Variants in FREM3 observed in about 807,000 individuals in gnomAD.
FREM3 encodes the protein FRAS1-related extracellular matrix protein 3.
A neutral mutation model predicts 129.1 loss-of-function variants in FREM3; 105 were observed. The observed-to-expected ratio is 0.81, with a 90% CI of 0.69 to 0.96. FREM3 has a LOEUF of 0.96. FREM3 is among the 40% of genes least tolerant of loss of function. FREM3 has a pLI of 0.00. For synonymous variants in FREM3, 1,014 were observed against 1,044.9 expected (o/e 0.97, Z 0.57); for missense variants, 2,593 against 2,666.3 (o/e 0.97, Z 0.61).
At chr4:143,695,128 A>T (rs1197255805) in intron 1 of FREM3, among the ~76,000 whole-genome samples, 2 of 152,284 alleles carry the variant, frequency 1.3e-5, no homozygotes, top group African/African-American at 2.4e-5. Flanking sequence ...TAATAACTAT[A>T]CAAATGATTT....
intron 6 of FREM3, among the ~76,000 whole-genome samples, chr4:143,597,603 T>C (rs757179873): frequency 6.6e-6 from 1 of 152,214 alleles, no homozygotes; most frequent in Non-Finnish European, 1.5e-5. Flanking sequence ...CAAAAATCAC[T>C]AGCATTTCTT....
rs1169656390 is a variant in FREM3 at position 143,700,643 on chromosome 4, C to T, written c.33G>A (p.Thr11=). Residue 11 remains threonine, a synonymous_variant, in exon 1 of 8, where the codon ACG becomes ACA. Transcript: ENST00000329798. MAGASRHPTG[T]PRQLLVALAC... is the part of the protein sequence containing the mutation. Reference sequence around the variant, plus strand: ...CGAGCGCCACAAGGAGCTGCCGGGGCGTCCCAGTCGGGTGCCGAGAAGCCC... The same window carrying T: ...CGAGCGCCACAAGGAGCTGCCGGGGTGTCCCAGTCGGGTGCCGAGAAGCCC... 2 of 1,433,298 alleles carry T rather than the reference C, an allele frequency of 1.4e-6. No homozygotes were observed. Among genetic ancestry groups the T allele is most frequent in the Non-Finnish European group, 1.8e-6 (2 of 1,098,550 alleles). The allele number at this position is 1,433,298 out of a possible 1,614,324, so 88.8% of individuals were successfully genotyped here. A position where few individuals can be genotyped will look rare whatever the true frequency, so the allele number is the denominator to read the frequency against.
chr4:143,593,000 C>T (rs7439589), intron 6 of FREM3, among the ~76,000 whole-genome samples: 18,098 of 152,222 alleles, frequency 0.12, 2,227 homozygotes, highest in East Asian at 0.63. Flanking sequence ...CATCTTCCAT[C>T]GCTGTTACCC....
intron 4 of FREM3, among the ~76,000 whole-genome samples, chr4:143,621,687 G>A (rs1048196807): frequency 6.6e-6 from 1 of 152,064 alleles, no homozygotes. Flanking sequence ...AGATCATATT[G>A]CTGCTGAAAT....
At chr4:143,685,971 G>A (rs147971693) in intron 2 of FREM3, among the ~76,000 whole-genome samples, 48 of 152,210 alleles carry the variant, frequency 3.2e-4, no homozygotes, top group African/African-American at 1.1e-3. Flanking sequence ...TAACAAATCT[G>A]CATGTTCTGC....
In FREM3 at chr4:143,698,318, G is replaced by A. The variant is rs986445559; in HGVS notation, c.2358C>T (p.Ala786=). ...TQAQVNQHKV[A]YQPPQKLGIA... ...TACCCAATTTCTGTGGAGGCTGGTAGGCAACTTTATGCTGATTTACCTGGG... is the reference window on the plus strand; with the variant it reads ...TACCCAATTTCTGTGGAGGCTGGTAAGCAACTTTATGCTGATTTACCTGGG... The change falls in exon 1 of 8, where the codon GCC becomes GCT. Residue 786 remains alanine, a synonymous_variant. Transcript: ENST00000329798. 5.9e-6 allele frequency: 9 copies of A among 1,537,644 alleles called. No individual in the cohort carries two copies. In the Admixed American group the frequency reaches 5.9e-5, roughly 10 times the overall value.
At chr4:143,674,982 G>A (rs565206841) in intron 2 of FREM3, among the ~76,000 whole-genome samples, 5 of 152,182 alleles carry the variant, frequency 3.3e-5, no homozygotes, top group Middle Eastern at 3.4e-3. Context: ...ACAGATCAAC[G>A]AGAAAGAAAG....
At chr4:143,586,077 T>G (rs1353012200) in intron 6 of FREM3, 84 bp from the exon 7 acceptor site, 43 of 1,327,082 alleles carry the variant, frequency 3.2e-5, no homozygotes, top group Admixed American at 4.3e-5. Flanking sequence ...AGCCTGGGCA[T>G]TTGTCATAAT....
chr4:143,582,485 T>C (rs1284585843), intron 7 of FREM3, among the ~76,000 whole-genome samples: 1 of 152,078 alleles, frequency 6.6e-6, no homozygotes, highest in African/African-American at 2.4e-5. Flanking sequence ...GCCTTGGCCC[T>C]CTGAAAACGT....
At chr4:143,654,510 G>A (rs1739565513) in intron 2 of FREM3, among the ~76,000 whole-genome samples, 1 of 152,218 alleles carries the variant, frequency 6.6e-6, no homozygotes, top group Non-Finnish European at 1.5e-5. Context: ...GAGTTTTCAT[G>A]TAAAGTGCAC....
intron 2 of FREM3, among the ~76,000 whole-genome samples, chr4:143,648,037 G>A (rs534486926): frequency 8.5e-5 from 13 of 152,226 alleles, no homozygotes; most frequent in Non-Finnish European, 1.5e-4. Flanking sequence ...GCTGTTCAAG[G>A]CCATGGGAGC....
chr4:143,689,121 T>C (rs956882666), intron 2 of FREM3, among the ~76,000 whole-genome samples: 4 of 152,066 alleles, frequency 2.6e-5, no homozygotes, highest in South Asian at 2.1e-4. Flanking sequence ...CTTCACAATG[T>C]ATATATCTGA....
chr4:143,634,083 T>C (rs1316791194), intron 2 of FREM3, among the ~76,000 whole-genome samples: 3 of 152,134 alleles, frequency 2.0e-5, no homozygotes, highest in Non-Finnish European at 4.4e-5. Flanking sequence ...AGTATAGATA[T>C]AGCAATAGCT....
intron 2 of FREM3, among the ~76,000 whole-genome samples, chr4:143,641,667 C>T (rs911777213): frequency 1.3e-5 from 2 of 152,162 alleles, no homozygotes; most frequent in African/African-American, 4.8e-5. Flanking sequence ...AGAATACAAG[C>T]TGAGCTTTTC....
intron 2 of FREM3, among the ~76,000 whole-genome samples, chr4:143,663,798 T>G (rs886203052): frequency 1.3e-5 from 2 of 152,112 alleles, no homozygotes; most frequent in African/African-American, 4.8e-5. Context: ...TCATTCTTTT[T>G]TCTCTAAACT....
intron 2 of FREM3, among the ~76,000 whole-genome samples, chr4:143,632,016 T>C (rs559848608): frequency 6.6e-6 from 1 of 152,224 alleles, no homozygotes; most frequent in South Asian, 2.1e-4. Flanking sequence ...ACAATTATAA[T>C]AAAAAATGTG....
At chr4:143,693,797 C>G (rs538031972) in intron 1 of FREM3, among the ~76,000 whole-genome samples, 4 of 152,066 alleles carry the variant, frequency 2.6e-5, no homozygotes, top group Non-Finnish European at 5.9e-5. Context: ...TTTTGTTGTT[C>G]TTCTTCTCGT....
Position 143,696,641 on chromosome 4 carries a change from G to C in FREM3, c.4035C>G (p.Val1345=). ...GCCCTTGTTGAGGCCCAGAATGGAG[G>C]ACAAAACTGAGGCTTTTATCATCTG... ...LDSDDKSLSF[V]LHSGPQQGLL... is the part of the protein sequence containing the mutation. Residue 1345 remains valine (V), a synonymous_variant, in exon 1 of 8, where the codon GTC becomes GTG. Coordinates refer to ENST00000329798, the MANE Select transcript of FREM3 (RefSeq NM_001168235.2). 6.5e-7 allele frequency: 1 copy of C among 1,537,820 alleles called. No individual in the cohort carries two copies.
chr4:143,669,042 G>C (rs1006852646), intron 2 of FREM3, among the ~76,000 whole-genome samples: 2 of 152,142 alleles, frequency 1.3e-5, no homozygotes, highest in Admixed American at 6.5e-5. Flanking sequence ...AGTGTATATA[G>C]TTAAGTCATT....
Sources: gnomAD v4.1 joint callset for allele counts (sites outside exome capture counted in the v4.1 genomes callset) on GRCh38, gnomAD v4.1.1 for gene constraint, MANE v1.5 for transcripts, NCBI Gene and HGNC (gene_info 2026-07-23, HGNC 2026-07-21) for gene names.